Variants in NOP9 observed in about 807,000 individuals in gnomAD.
NOP9 encodes NOP9 nucleolar protein.
NOP9 carries 50 observed loss-of-function variants against 63.0 expected under a neutral mutation model. That is an observed-to-expected ratio of 0.79 (90% CI 0.63 to 1.00). The LOEUF (loss-of-function observed/expected upper bound fraction) is 1.00. NOP9 is among the 50% of genes least tolerant of loss of function. The pLI is 0.00. For synonymous variants in NOP9, 343 were observed against 332.8 expected, an observed-to-expected ratio of 1.03 and a Z score of -0.33; for missense variants, 758 against 803.0, an observed-to-expected ratio of 0.94 and a Z score of 0.68.
upstream of NOP9, among the ~76,000 whole-genome samples, chr14:24,296,145 C>T (rs993208465): frequency 2.0e-5 from 3 of 152,158 alleles, no homozygotes; most frequent in Non-Finnish European, 4.4e-5. Flanking sequence ...TTAAGCTTCT[C>T]CCAGTCTAAA....
In NOP9 at chr14:24,308,104, G is replaced by A. The variant is rs1460688148; in HGVS notation, c.*3009G>A. ...TGCCTGGCAAAAGCCATTGGAGCTT[G>A]TATGTGTGTCTTTGGTGATGACATG... On this transcript the variant is annotated 3_prime_UTR_variant, in exon 10 of 10. Transcript: ENST00000267425. The A allele has an allele frequency of 1.2e-5, 7 of 565,108 alleles. No homozygotes were observed. The African/African-American group carries it at 1.3e-4, about 11-fold the overall frequency. 35.0% of individuals were successfully genotyped at this position (565,108 alleles called of 1,614,324 possible). A position where few individuals can be genotyped will look rare whatever the true frequency, so the allele number is the denominator to read the frequency against.
the NOP9 span, among the ~76,000 whole-genome samples, chr14:24,273,601 T>C: frequency 6.6e-6 from 1 of 152,274 alleles, no homozygotes; most frequent in Non-Finnish European, 1.5e-5. Context: ...GAGACATTTT[T>C]CCTATCCCTG....
chr14:24,303,936 G>A (rs1417597324), intron 7 of NOP9, 79 bp downstream of exon 7: 3 of 1,592,010 alleles, frequency 1.9e-6, no homozygotes, highest in Non-Finnish European at 2.6e-6. Flanking sequence ...TGACTTCTGA[G>A]GTGAGAGTGG....
the NOP9 span, chr14:24,292,109 G>GT: frequency 6.4e-7 from 1 of 1,571,066 alleles, no homozygotes; most frequent in South Asian, 1.1e-5. Flanking sequence ...GTGAGTGGGA[G>GT]TATCTGATCT....
the NOP9 span, among the ~76,000 whole-genome samples, chr14:24,281,390 C>T: frequency 6.6e-6 from 1 of 152,174 alleles, no homozygotes; most frequent in African/African-American, 2.4e-5. Context: ...GTGAGTTCAG[C>T]CACACTCTGG....
At chr14:24,283,327 C>T in the NOP9 span, among the ~76,000 whole-genome samples, 1 of 152,000 alleles carries the variant, frequency 6.6e-6, no homozygotes, top group Admixed American at 6.6e-5. Flanking sequence ...TGGTGGCTCA[C>T]GCTGTAATCC....
chr14:24,285,466 C>T, the NOP9 span, among the ~76,000 whole-genome samples: 2 of 152,130 alleles, frequency 1.3e-5, no homozygotes, highest in Non-Finnish European at 2.9e-5. Flanking sequence ...GAAATTATGA[C>T]TCCTCTGCTG....
Position 24,300,389 on chromosome 14 carries a change from GTCTT to G in NOP9, c.248-14_248-11del, listed in dbSNP as rs1479695306. On this transcript the variant is annotated splice_polypyrimidine_tract_variant and intron_variant, in intron 1 of 9. Transcript: ENST00000267425. Reference sequence around the variant, plus strand: ...TCTCTACTAAGTCTCTTCAAAGTGTGTCTTTCTTCCCTTTTCAGATCTGATGGTG... The same window carrying G: ...TCTCTACTAAGTCTCTTCAAAGTGTGTCTTCCCTTTTCAGATCTGATGGTG... 16 of 1,601,864 alleles carry G rather than the reference GTCTT, an allele frequency of 1.0e-5. No individual in the cohort carries two copies. Among genetic ancestry groups the G allele is most frequent in the African/African-American group, 8.0e-5 (6 of 74,662 alleles).
the NOP9 span, chr14:24,271,238 A>G: frequency 1.5e-6 from 2 of 1,304,428 alleles, no homozygotes; most frequent in South Asian, 1.6e-5. Context: ...GTCCGGAAGC[A>G]GCAAGCGTGC....
chr14:24,274,088 G>A, the NOP9 span, among the ~76,000 whole-genome samples: 1 of 152,172 alleles, frequency 6.6e-6, no homozygotes, highest in South Asian at 2.1e-4. Context: ...AATGGGACCT[G>A]TGTCTAGTCT....
At chr14:24,295,164 C>T (rs577324184), upstream of NOP9, among the ~76,000 whole-genome samples, 24 of 151,968 alleles carry the variant, frequency 1.6e-4, no homozygotes, top group South Asian at 8.3e-4. Flanking sequence ...CAATAGAATA[C>T]GTACAAGTAT....
chr14:24,284,058 G>C, the NOP9 span, among the ~76,000 whole-genome samples: 1 of 152,244 alleles, frequency 6.6e-6, no homozygotes, highest in African/African-American at 2.4e-5. Context: ...AGGACACACT[G>C]AGGGGGCAAG....
At chr14:24,274,436 CCAAA>C in the NOP9 span, among the ~76,000 whole-genome samples, 1 of 152,030 alleles carries the variant, frequency 6.6e-6, no homozygotes, top group Non-Finnish European at 1.5e-5. Context: ...GGAGAGAAAG[CCAAA>C]CTAACTTAGC....
At position 24,302,350 on chromosome 14, in the gene NOP9, C is replaced by T. The variant is rs752371485; in HGVS notation, c.1069C>T (p.Gln357Ter). ...TGAGGAGCACTTGCAGGGGCAGCTG[C>T]AGACCCTGGCTGCACATCCCATTGC... ...LFEEHLQGQL[Q>*]TLAAHPIANF... The change falls in exon 5 of 10, where the codon CAG (glutamine) becomes TAG (stop). Residue 357 changes from glutamine (Q) to a stop codon, truncating the protein, a stop_gained. Transcript: ENST00000267425. LOFTEE classifies it high-confidence loss of function. 6.2e-7 allele frequency: 1 copy of T among 1,614,160 alleles called. No individual in the cohort carries two copies. Among genetic ancestry groups the T allele is most frequent in the Non-Finnish European group, 8.5e-7 (1 of 1,180,026 alleles).
chr14:24,303,899 C>G (rs1201107996), intron 7 of NOP9, 42 bp downstream of exon 7: 30 of 1,607,420 alleles, frequency 1.9e-5, no homozygotes, highest in Non-Finnish European at 2.5e-5. Flanking sequence ...AATTGGGAGT[C>G]AGGCCTCCCA....
Position 24,305,225 on chromosome 14 carries a change from T to G in NOP9, c.*130T>G, listed in dbSNP as rs2041460165. ...TTTGATATTTTTATTGGAAATGTTT[T>G]TGTTAGTTTGAGGGGAAGGGTATGA... is the stretch of plus-strand genomic sequence containing the variant. On this transcript the variant is annotated 3_prime_UTR_variant, in exon 10 of 10. Transcript: ENST00000267425. The G allele has an allele frequency of 9.4e-7, 1 of 1,067,854 alleles. No homozygotes were observed. Among genetic ancestry groups the G allele is most frequent in the African/African-American group, 1.6e-5 (1 of 61,146 alleles). 66.1% of individuals were successfully genotyped at this position (1,067,854 alleles called of 1,614,324 possible). A position where few individuals can be genotyped will look rare whatever the true frequency, so the allele number is the denominator to read the frequency against.
chr14:24,304,639 CCT>C lies in NOP9; in HGVS notation c.1753+46_1753+47del, dbSNP rs1232665282. 3 of 1,428,994 alleles carry C rather than the reference CCT, an allele frequency of 2.1e-6. No individual in the cohort carries two copies. In the East Asian group the frequency reaches 6.9e-5, roughly 33 times the overall value. 88.5% of individuals were successfully genotyped at this position (1,428,994 alleles called of 1,614,324 possible). A position where few individuals can be genotyped will look rare whatever the true frequency, so the allele number is the denominator to read the frequency against. On this transcript the variant is annotated intron_variant, in intron 9 of 9. Coordinates refer to ENST00000267425, the MANE Select transcript of NOP9 (RefSeq NM_174913.3). ...TCTCTTTGATGTTTCCAGACTCTCC[CCT>C]CTCTTACTCCAGATCACTGGGTAGC...
the NOP9 span, chr14:24,290,685 G>A: frequency 3.0e-6 from 2 of 669,022 alleles, no homozygotes; most frequent in African/African-American, 1.8e-5. Flanking sequence ...GAAAACCAAG[G>A]CACAAAGAAG....
chr14:24,296,497 T>C, upstream of NOP9: 1 of 1,613,802 alleles, frequency 6.2e-7, no homozygotes. Flanking sequence ...GTCCTGGCAG[T>C]GGAGCACCCA....
Sources: allele counts gnomAD v4.1 joint callset (sites outside exome capture counted in the v4.1 genomes callset), GRCh38; gene constraint gnomAD v4.1.1; transcripts MANE v1.5; gene names NCBI Gene and HGNC (gene_info 2026-07-23, HGNC 2026-07-21).